The following TRAPPC9 variants were observed in gnomAD, a reference collection of about 807,000 sequenced individuals.
TRAPPC9 encodes IKK2 binding protein.
In TRAPPC9, 83 loss-of-function variants were observed where a neutral mutation model predicts 124.0. The ratio of observed to expected loss-of-function variants is 0.67; its 90% CI spans 0.56 to 0.80. TRAPPC9 has a LOEUF of 0.80. TRAPPC9 is among the 30% of genes least tolerant of loss of function. The pLI is 0.00. For synonymous variants in TRAPPC9, 638 were observed against 617.5 expected (o/e 1.03, Z -0.49); for missense variants, 1,302 against 1,508.3 (o/e 0.86, Z 2.27).
At chr8:140,035,965 T>C (rs1840848553) in intron 17 of TRAPPC9, among the ~76,000 whole-genome samples, 2 of 152,236 alleles carry the variant, frequency 1.3e-5, no homozygotes, top group African/African-American at 4.8e-5. Context: ...CTGTGAAATA[T>C]GGATTTGGAC....
chr8:140,249,147 C>T (rs1006381413), intron 16 of TRAPPC9, among the ~76,000 whole-genome samples: 37 of 149,770 alleles, frequency 2.5e-4, no homozygotes, highest in Middle Eastern at 3.4e-3. Flanking sequence ...GAGCGTGCTG[C>T]CCAACAACTG....
chr8:140,165,583 G>T (rs1221851325), intron 17 of TRAPPC9, among the ~76,000 whole-genome samples: 1 of 128,200 alleles, frequency 7.8e-6, no homozygotes, highest in East Asian at 2.7e-4. Flanking sequence ...GAGGGGAAGG[G>T]AAGGGGGAAG....
chr8:139,876,298 G>A (rs1411185531), intron 21 of TRAPPC9, among the ~76,000 whole-genome samples: 3 of 152,228 alleles, frequency 2.0e-5, no homozygotes, highest in Non-Finnish European at 4.4e-5. Context: ...GCTCAGGGCA[G>A]AAGGTGCTGT....
At chr8:140,249,243 A>G (rs1391346983) in intron 16 of TRAPPC9, among the ~76,000 whole-genome samples, 1 of 152,116 alleles carries the variant, frequency 6.6e-6, no homozygotes, top group Non-Finnish European at 1.5e-5. Flanking sequence ...GTGAGGACTC[A>G]ATGCATACCT....
intron 19 of TRAPPC9, chr8:139,932,112 G>C (rs540130550): frequency 2.8e-6 from 1 of 355,946 alleles, no homozygotes; most frequent in Non-Finnish European, 5.6e-6. Context: ...GTTGATGTGC[G>C]GCTGAGGGCG....
intron 18 of TRAPPC9, among the ~76,000 whole-genome samples, chr8:140,015,711 G>A (rs1276036382): frequency 6.6e-6 from 1 of 152,162 alleles, no homozygotes; most frequent in Admixed American, 6.5e-5. Flanking sequence ...GGGAGGCTGA[G>A]GCAGGAGAAT....
At chr8:140,329,038 GGGTAACTA>G (rs1358661125) in intron 9 of TRAPPC9, among the ~76,000 whole-genome samples, 1 of 152,088 alleles carries the variant, frequency 6.6e-6, no homozygotes, top group Non-Finnish European at 1.5e-5. Flanking sequence ...ACCCAGACTA[GGGTAACTA>G]GGAAAGTATA....
intron 17 of TRAPPC9, among the ~76,000 whole-genome samples, chr8:140,174,385 T>TG (rs1554637959): frequency 6.6e-6 from 1 of 151,742 alleles, no homozygotes; most frequent in Admixed American, 6.6e-5. Flanking sequence ...ACGTAAAAGT[T>TG]AAAAAATAAA....
chr8:139,998,256 G>A (rs1195552204), intron 18 of TRAPPC9, among the ~76,000 whole-genome samples: 1 of 152,200 alleles, frequency 6.6e-6, no homozygotes, highest in Non-Finnish European at 1.5e-5. Context: ...TCAGATAAAG[G>A]AAAATTAAGA....
At chr8:139,829,441 G>A (rs1825835958) in intron 21 of TRAPPC9, among the ~76,000 whole-genome samples, 1 of 152,208 alleles carries the variant, frequency 6.6e-6, no homozygotes, top group Admixed American at 6.5e-5. Context: ...CACCTGACAT[G>A]GGTCTCCCAC....
chr8:140,224,612 T>C (rs760202466), intron 16 of TRAPPC9, among the ~76,000 whole-genome samples: 4 of 152,208 alleles, frequency 2.6e-5, no homozygotes, highest in Non-Finnish European at 4.4e-5. Flanking sequence ...CTTTGAACCA[T>C]GTCAGTCCCT....
intron 21 of TRAPPC9, among the ~76,000 whole-genome samples, chr8:139,754,335 T>C (rs1819553967): frequency 6.6e-6 from 1 of 152,314 alleles, no homozygotes; most frequent in East Asian, 1.9e-4. Flanking sequence ...TCAGTTTGTA[T>C]CACCTGGGGC....
rs545769929 is a variant in TRAPPC9, at chr8:140,437,012, G to A, written c.731-1772C>T. On this transcript the variant is annotated intron_variant, in intron 3 of 22. Transcript: ENST00000438773. The stretch of plus-strand genomic sequence containing the variant: ...ACAAAGTCTCACTCTTGCTCAGGAT[G>A]GAGTGCAGTGGTGCGATCGTGGCTC... 4.6e-5 allele frequency among the ~76,000 whole-genome samples: 7 copies of A among 152,232 alleles called. No individual in the cohort carries two copies. The East Asian group carries it at 1.4e-3, about 29-fold the overall frequency.
chr8:139,998,041 T>G (rs1487305364), intron 18 of TRAPPC9, among the ~76,000 whole-genome samples: 113 of 104,588 alleles, frequency 1.1e-3, no homozygotes, highest in African/African-American at 1.6e-3. Flanking sequence ...CCTACACAGG[T>G]AGACAATGCA....
chr8:140,401,863 T>C (rs548595281), intron 6 of TRAPPC9, among the ~76,000 whole-genome samples: 1 of 151,796 alleles, frequency 6.6e-6, no homozygotes, highest in East Asian at 1.9e-4. Context: ...TGAGCTCAAG[T>C]GATCCTCCCA....
intron 17 of TRAPPC9, among the ~76,000 whole-genome samples, chr8:140,119,363 C>T (rs937005711): frequency 5.3e-5 from 8 of 152,172 alleles, no homozygotes; most frequent in African/African-American, 1.9e-4. Context: ...CAGGATGGCC[C>T]CTCAAGCAGT....
intron 2 of TRAPPC9, among the ~76,000 whole-genome samples, chr8:140,448,004 G>A (rs1396599063): frequency 6.6e-6 from 1 of 152,088 alleles, no homozygotes; most frequent in Non-Finnish European, 1.5e-5. Flanking sequence ...AATTAGCTGA[G>A]TGTGGTGGCG....
chr8:140,332,380 G>T (rs572555529), intron 9 of TRAPPC9, among the ~76,000 whole-genome samples: 2 of 152,276 alleles, frequency 1.3e-5, no homozygotes, highest in African/African-American at 4.8e-5. Flanking sequence ...TAGACAGAAA[G>T]AATAAATTCA....
chr8:140,038,626 C>A (rs1489914819), intron 17 of TRAPPC9, among the ~76,000 whole-genome samples: 1 of 152,144 alleles, frequency 6.6e-6, no homozygotes, highest in Admixed American at 6.5e-5. Flanking sequence ...AGTAACTGAT[C>A]CAGAGGGAGG....
Sources: gnomAD v4.1 joint callset for allele counts (sites outside exome capture counted in the v4.1 genomes callset) on GRCh38, gnomAD v4.1.1 for gene constraint, MANE v1.5 for transcripts, NCBI Gene and HGNC (gene_info 2026-07-23, HGNC 2026-07-21) for gene names.